The following LINGO2 variants were observed in gnomAD, a reference collection of about 807,000 sequenced individuals.
LINGO2 encodes the protein leucine rich repeat and Ig domain containing 2.
LINGO2 carries 14 observed loss-of-function variants against 30.6 expected under a neutral mutation model. That is an observed-to-expected ratio of 0.46 (90% CI 0.30 to 0.72). The LOEUF is 0.72. LINGO2 is among the 30% of genes least tolerant of loss of function. The pLI is 0.07. For missense variants in LINGO2, 729 were observed against 751.7 expected, an observed-to-expected ratio of 0.97 and a Z score of 0.35; for synonymous variants, 317 against 288.5, an observed-to-expected ratio of 1.10 and a Z score of -1.00.
chr9:28,998,904 A>AT, the LINGO2 span, among the ~76,000 whole-genome samples: 1 of 151,694 alleles, frequency 6.6e-6, no homozygotes, highest in African/African-American at 2.4e-5. Flanking sequence ...TGAAGTTAAA[A>AT]TTTTCTTCCG....
the LINGO2 span, among the ~76,000 whole-genome samples, chr9:28,697,136 G>A: frequency 6.6e-6 from 1 of 151,822 alleles, no homozygotes; most frequent in African/African-American, 2.4e-5. Flanking sequence ...TTTATTCCTT[G>A]ACTGATTAGA....
chr9:27,994,817 C>CAA (rs1821575726), intron 5 of LINGO2, among the ~76,000 whole-genome samples: 1 of 152,128 alleles, frequency 6.6e-6, no homozygotes. Context: ...GCTGACATCA[C>CAA]AAAATCCCAA....
chr9:27,960,756 AAATTT>A (rs923668618), intron 5 of LINGO2, among the ~76,000 whole-genome samples: 4 of 151,514 alleles, frequency 2.6e-5, no homozygotes, highest in African/African-American at 9.7e-5. Flanking sequence ...TAGTCCATTT[AAATTT>A]AATATAGTTA....
intron 4 of LINGO2, among the ~76,000 whole-genome samples, chr9:28,060,486 A>G (rs1280331158): frequency 6.6e-6 from 1 of 152,194 alleles, no homozygotes; most frequent in African/African-American, 2.4e-5. Flanking sequence ...CATTTTACAA[A>G]TGAGAAAAAT....
In LINGO2 at chr9:28,503,175, A is replaced by C. The variant is rs561062403; in HGVS notation, c.-364-27150T>G. 9.9e-5 allele frequency among the ~76,000 whole-genome samples: 15 copies of C among 152,224 alleles called. No individual in the cohort carries two copies. In the South Asian group the frequency reaches 2.9e-3, roughly 29 times the overall value. On this transcript the variant is annotated intron_variant, in intron 1 of 5. Transcript: ENST00000379992. ...CTTTCTGTATTACTTTGGGTTCATTACAGCCACTATGAAGCAGCTCTGATT... is the reference window on the plus strand; with the variant it reads ...CTTTCTGTATTACTTTGGGTTCATTCCAGCCACTATGAAGCAGCTCTGATT...
rs193249560 is a variant in LINGO2, at chr9:28,489,601, G to T, written c.-364-13576C>A. Among the ~76,000 whole-genome samples, 46 of 152,092 alleles carry T rather than the reference G, an allele frequency of 3.0e-4. 1 individual carries two copies. Among genetic ancestry groups the T allele is most frequent in the African/African-American group, 1.1e-3 (44 of 41,526 alleles). On this transcript the variant is annotated intron_variant, in intron 1 of 5. Transcript: ENST00000379992. ...CCGTTAGCCACCTGCTAAAGCTGAG[G>T]TTTAGGAAGATAAGGAAGCTGGGCG...
chr9:28,021,102 T>A (rs944983786), intron 4 of LINGO2, among the ~76,000 whole-genome samples: 5 of 152,134 alleles, frequency 3.3e-5, no homozygotes, highest in Non-Finnish European at 5.9e-5. Flanking sequence ...TGCTCTTTTT[T>A]AATTTCCTAT....
intron 1 of LINGO2, among the ~76,000 whole-genome samples, chr9:28,578,261 C>G (rs574738263): frequency 6.6e-6 from 1 of 152,192 alleles, no homozygotes; most frequent in South Asian, 2.1e-4. Context: ...TGGCTCTAGA[C>G]TGCTGCATGG....
chr9:28,844,874 C>T, the LINGO2 span, among the ~76,000 whole-genome samples: 29 of 151,968 alleles, frequency 1.9e-4, 1 homozygote, highest in South Asian at 5.6e-3. Context: ...CTGGTTGAAG[C>T]ATGAATCACT....
the LINGO2 span, among the ~76,000 whole-genome samples, chr9:28,818,051 G>GA: frequency 2.0e-5 from 3 of 152,084 alleles, no homozygotes; most frequent in African/African-American, 7.2e-5. Context: ...TTAGATCACA[G>GA]AAAAAATACT....
the LINGO2 span, among the ~76,000 whole-genome samples, chr9:28,749,227 T>C: frequency 1.3e-5 from 2 of 151,992 alleles, no homozygotes. Context: ...TGTGTTCAGA[T>C]ATCTCTTAGC....
chr9:28,880,054 T>C, the LINGO2 span, among the ~76,000 whole-genome samples: 62,145 of 152,000 alleles, frequency 0.41, 14,765 homozygotes, highest in African/African-American at 0.67. Flanking sequence ...GACGATGTAT[T>C]AGGGATAATG....
At chr9:28,813,211 C>G in the LINGO2 span, among the ~76,000 whole-genome samples, 8 of 152,196 alleles carry the variant, frequency 5.3e-5, 1 homozygote, top group East Asian at 1.4e-3. Flanking sequence ...GCCCAGCCCC[C>G]CCCAATTAGC....
At chr9:29,099,135 A>G in the LINGO2 span, among the ~76,000 whole-genome samples, 1 of 152,220 alleles carries the variant, frequency 6.6e-6, no homozygotes, top group Admixed American at 6.5e-5. Flanking sequence ...TGGGGAAAAG[A>G]CAGTTTCTTC....
chr9:29,004,060 T>G, the LINGO2 span, among the ~76,000 whole-genome samples: 2 of 152,134 alleles, frequency 1.3e-5, no homozygotes, highest in East Asian at 3.9e-4. Flanking sequence ...CCCAGTTGAC[T>G]GATTCCTCTT....
chr9:28,717,746 C>G, the LINGO2 span, among the ~76,000 whole-genome samples: 1 of 151,952 alleles, frequency 6.6e-6, no homozygotes, highest in African/African-American at 2.4e-5. Flanking sequence ...ACCCAGTCCT[C>G]AGTGTTTTTA....
At chr9:27,989,450 T>A (rs1251716764) in intron 5 of LINGO2, among the ~76,000 whole-genome samples, 1 of 54,880 alleles carries the variant, frequency 1.8e-5, no homozygotes, top group African/African-American at 7.5e-5. Context: ...GCTCTCTGTG[T>A]GTGTGTGTGT....
intron 4 of LINGO2, among the ~76,000 whole-genome samples, chr9:28,252,949 A>G (rs993565303): frequency 2.0e-5 from 3 of 152,112 alleles, no homozygotes; most frequent in Admixed American, 2.0e-4. Context: ...TAAAAAATAT[A>G]AACAAAGAAA....
At chr9:28,415,545 G>T (rs539296000) in intron 2 of LINGO2, among the ~76,000 whole-genome samples, 2 of 151,998 alleles carry the variant, frequency 1.3e-5, no homozygotes, top group East Asian at 1.9e-4. Context: ...CCTATCTTCC[G>T]ATCTTTTCTC....
Sources: gnomAD v4.1 joint callset for allele counts (sites outside exome capture counted in the v4.1 genomes callset) on GRCh38, gnomAD v4.1.1 for gene constraint, MANE v1.5 for transcripts, NCBI Gene and HGNC (gene_info 2026-07-23, HGNC 2026-07-21) for gene names.